GABRA2: variants seen among roughly 807,000 people sequenced by gnomAD.
The protein encoded by GABRA2 is gamma-aminobutyric acid receptor subunit alpha-2.
A neutral mutation model predicts 48.7 loss-of-function variants in GABRA2; 16 were observed. The observed-to-expected ratio is 0.33, with a 90% CI of 0.22 to 0.50. The LOEUF (loss-of-function observed/expected upper bound fraction) is 0.50, where lower values mean the gene tolerates loss of function less well. Ranked by LOEUF, GABRA2 falls within the 20% of genes least tolerant of loss-of-function variation. The pLI is 0.98. For missense variants in GABRA2, 275 were observed against 535.6 expected (o/e 0.51, Z 4.80); for synonymous variants, 185 against 184.5 (o/e 1.00, Z -0.02).
chr4:46,344,868 A>G (rs981654117), intron 3 of GABRA2, among the ~76,000 whole-genome samples: 1 of 151,990 alleles, frequency 6.6e-6, no homozygotes, highest in Non-Finnish European at 1.5e-5. Flanking sequence ...CATTCTTATT[A>G]TAATAAATAA....
intron 3 of GABRA2, among the ~76,000 whole-genome samples, chr4:46,338,203 G>C (rs1203852379): frequency 6.6e-6 from 1 of 151,930 alleles, no homozygotes; most frequent in African/African-American, 2.4e-5. Flanking sequence ...TGCATCATAT[G>C]AAAGAAGAAG....
rs539567854 is a variant in GABRA2 at position 46,358,527 on chromosome 4, T to C, written c.188-25845A>G. 2.6e-5 allele frequency among the ~76,000 whole-genome samples: 4 copies of C among 152,322 alleles called. No homozygotes were observed. The East Asian group carries it at 7.7e-4, about 29-fold the overall frequency. On this transcript the variant is annotated intron_variant, in intron 3 of 9. Coordinates refer to ENST00000381620, the MANE Select transcript of GABRA2 (RefSeq NM_000807.4). ...GAGATGGTAGGTCTCTAAATAAATA[T>C]ATTTATGAAGTTAACAAGGATGTTG...
chr4:46,248,315 C>T lies in GABRA2; in HGVS notation c.*1993G>A, dbSNP rs1714088830. On this transcript the variant is annotated 3_prime_UTR_variant, in exon 10 of 10. Transcript: ENST00000381620. ...CAATTGCACACATCCCTAAACTATA[C>T]AGAAGAGCTATGCTATATTTAAATG... The T allele has an allele frequency of 6.6e-6, 1 of 151,318 alleles. No individual in the cohort carries two copies. The highest frequency in any genetic ancestry group is 6.6e-5 in the Admixed American group (1 of 15,110). 9.4% of individuals were successfully genotyped at this position (151,318 alleles called of 1,614,324 possible).
chr4:46,378,128 C>G (rs1716201125), intron 3 of GABRA2, among the ~76,000 whole-genome samples: 1 of 152,036 alleles, frequency 6.6e-6, no homozygotes, highest in Non-Finnish European at 1.5e-5. Context: ...AGGAGCCCCT[C>G]TGCCCGGCCA....
chr4:46,276,313 T>C (rs1336735146), intron 8 of GABRA2, among the ~76,000 whole-genome samples: 1 of 151,970 alleles, frequency 6.6e-6, no homozygotes, highest in Non-Finnish European at 1.5e-5. Context: ...TAGACATGGG[T>C]TAACTAGGTT....
chr4:46,378,895 C>T (rs1716366670), intron 3 of GABRA2, among the ~76,000 whole-genome samples: 1 of 151,930 alleles, frequency 6.6e-6, no homozygotes, highest in Non-Finnish European at 1.5e-5. Context: ...TGAATTTTGC[C>T]TGACACTTGC....
chr4:46,379,359 C>T (rs1018949466), intron 3 of GABRA2, among the ~76,000 whole-genome samples: 16 of 152,162 alleles, frequency 1.1e-4, no homozygotes, highest in African/African-American at 3.9e-4. Flanking sequence ...AATGGCATCC[C>T]ACTTCAGGCA....
At chr4:46,316,768 C>T (rs750449003) in intron 4 of GABRA2, among the ~76,000 whole-genome samples, 12 of 151,778 alleles carry the variant, frequency 7.9e-5, no homozygotes, top group South Asian at 6.2e-4. Context: ...TAGTTTTCTC[C>T]TCTATAAATT....
Position 46,245,232 on chromosome 4 carries a change from T to C in GABRA2, c.*5076A>G, listed in dbSNP as rs2109354773. 6.6e-6 allele frequency among the ~76,000 whole-genome samples: 1 copy of C among 151,400 alleles called. No homozygotes were observed. Among genetic ancestry groups the C allele is most frequent in the South Asian group, 2.1e-4 (1 of 4,826 alleles). ...TGTGATGGGCTCTCTGTAAGAATTATACTCTGAATCATTCCAATTCAAAAA... is the reference window on the plus strand; with the variant it reads ...TGTGATGGGCTCTCTGTAAGAATTACACTCTGAATCATTCCAATTCAAAAA... On this transcript the variant is annotated 3_prime_UTR_variant, in exon 10 of 10. Transcript: ENST00000381620.
At chr4:46,263,336 T>A (rs1417488829) in intron 8 of GABRA2, among the ~76,000 whole-genome samples, 1 of 152,098 alleles carries the variant, frequency 6.6e-6, no homozygotes, top group South Asian at 2.1e-4. Context: ...ATTAGCCCTA[T>A]TTTTCTTATC....
intron 4 of GABRA2, among the ~76,000 whole-genome samples, chr4:46,320,501 T>C (rs1729272944): frequency 6.6e-6 from 1 of 151,884 alleles, no homozygotes; most frequent in South Asian, 2.1e-4. Context: ...AAGGTAGCCT[T>C]ATGGATTGGG....
chr4:46,260,288 A>G (rs1470217501), intron 9 of GABRA2, among the ~76,000 whole-genome samples: 2 of 151,922 alleles, frequency 1.3e-5, no homozygotes, highest in Non-Finnish European at 2.9e-5. Context: ...TTTCCTGAAA[A>G]TTAGGTTGGA....
At chr4:46,265,461 A>ATATTG (rs1717987015) in intron 8 of GABRA2, among the ~76,000 whole-genome samples, 1 of 125,014 alleles carries the variant, frequency 8.0e-6, no homozygotes, top group African/African-American at 3.4e-5. Flanking sequence ...TATATATAAT[A>ATATTG]TATATATAAT....
chr4:46,278,247 T>TA, intron 8 of GABRA2, among the ~76,000 whole-genome samples: 1 of 152,230 alleles, frequency 6.6e-6, no homozygotes, highest in Non-Finnish European at 1.5e-5. Flanking sequence ...TTTGTTGAAT[T>TA]AAAAAAACAA....
At chr4:46,330,488 AT>A (rs996530062) in intron 4 of GABRA2, among the ~76,000 whole-genome samples, 60 of 151,290 alleles carry the variant, frequency 4.0e-4, no homozygotes, top group African/African-American at 1.4e-3. Context: ...TATGATGTGA[AT>A]TTGTGTAAAA....
At chr4:46,311,440 T>C (rs534827949) in intron 5 of GABRA2, among the ~76,000 whole-genome samples, 1 of 152,356 alleles carries the variant, frequency 6.6e-6, no homozygotes, top group Non-Finnish European at 1.5e-5. Context: ...ATGTCAGATG[T>C]CTGTTTTAAA....
chr4:46,298,399 G>C (rs1456342244), intron 8 of GABRA2, among the ~76,000 whole-genome samples: 1 of 151,314 alleles, frequency 6.6e-6, no homozygotes, highest in Non-Finnish European at 1.5e-5. Flanking sequence ...TTACAGTTCT[G>C]TATATGCATG....
chr4:46,295,023 C>T (rs1724374167), intron 8 of GABRA2, among the ~76,000 whole-genome samples: 1 of 152,194 alleles, frequency 6.6e-6, no homozygotes, highest in African/African-American at 2.4e-5. Context: ...ACCCTGCCTT[C>T]TCTCTGCACC....
At chr4:46,346,861 C>T (rs1369427865) in intron 3 of GABRA2, among the ~76,000 whole-genome samples, 1 of 151,742 alleles carries the variant, frequency 6.6e-6, no homozygotes, top group Non-Finnish European at 1.5e-5. Context: ...TATCTGTTCA[C>T]TGACAATATA....
Sources: gnomAD v4.1 joint callset for allele counts (sites outside exome capture counted in the v4.1 genomes callset) on GRCh38, gnomAD v4.1.1 for gene constraint, MANE v1.5 for transcripts, NCBI Gene and HGNC (gene_info 2026-07-23, HGNC 2026-07-21) for gene names.